The following NRG2 variants were observed in gnomAD, a reference collection of about 807,000 sequenced individuals.
NRG2 encodes pro-neuregulin-2, membrane-bound isoform.
Under a neutral mutation model 73.9 loss-of-function variants are expected in NRG2, and 27 were observed. The observed-to-expected ratio is 0.37, with a 90% CI of 0.27 to 0.50. NRG2 has a LOEUF of 0.50. Ranked by LOEUF, NRG2 falls within the 20% of genes least tolerant of loss-of-function variation. The pLI is 0.96. For synonymous variants in NRG2, 532 were observed against 541.0 expected, an observed-to-expected ratio of 0.98 and a Z score of 0.23; for missense variants, 1,126 against 1,210.1, an observed-to-expected ratio of 0.93 and a Z score of 1.03.
chr5:139,990,038 T>A (rs2126590086), intron 1 of NRG2, among the ~76,000 whole-genome samples: 1 of 151,660 alleles, frequency 6.6e-6, no homozygotes, highest in Non-Finnish European at 1.5e-5. Context: ...TCCGCCCACC[T>A]CGGCCTCCCA....
At chr5:139,855,807 G>A (rs1165741378) in intron 5 of NRG2, 29 bp from the exon 6 acceptor site, 3 of 1,557,410 alleles carry the variant, frequency 1.9e-6, no homozygotes, top group African/African-American at 1.4e-5. Context: ...TGTGAGGGGT[G>A]GGGCAGGAGG....
intron 4 of NRG2, among the ~76,000 whole-genome samples, chr5:139,866,750 G>A (rs753834392): frequency 6.6e-6 from 1 of 152,158 alleles, no homozygotes; most frequent in Non-Finnish European, 1.5e-5. Flanking sequence ...CAATCTCCCT[G>A]ACCTTGTCTC....
At chr5:140,033,905 G>A (rs1761323851) in intron 1 of NRG2, among the ~76,000 whole-genome samples, 1 of 151,624 alleles carries the variant, frequency 6.6e-6, no homozygotes, top group Non-Finnish European at 1.5e-5. Context: ...AGGAAACTAA[G>A]ATGCAGAAAG....
chr5:139,973,957 G>GT (rs1756182580), intron 1 of NRG2, among the ~76,000 whole-genome samples: 1 of 152,126 alleles, frequency 6.6e-6, no homozygotes, highest in Non-Finnish European at 1.5e-5. Flanking sequence ...CTTTAGTTTT[G>GT]TTGCTGGGTA....
chr5:139,955,265 G>A (rs1754530934), intron 1 of NRG2, among the ~76,000 whole-genome samples: 1 of 152,142 alleles, frequency 6.6e-6, no homozygotes, highest in African/African-American at 2.4e-5. Context: ...CTCAGAGGAG[G>A]TGACGGACAA....
intron 1 of NRG2, among the ~76,000 whole-genome samples, chr5:139,939,248 C>CCTTCCTTCT (rs1561694694): frequency 1.1e-3 from 153 of 137,750 alleles, no homozygotes; most frequent in African/African-American, 4.5e-3. Context: ...TCCTTCCTTT[C>CCTTCCTTCT]TTTCTTTCTT....
intron 4 of NRG2, among the ~76,000 whole-genome samples, chr5:139,867,780 G>A (rs866418759): frequency 0.017 from 2,334 of 138,986 alleles, 65 homozygotes; most frequent in African/African-American, 0.068. Flanking sequence ...GTGTGTGTGT[G>A]TGTGTGTGTG....
intron 1 of NRG2, among the ~76,000 whole-genome samples, chr5:140,030,120 C>T (rs1461471620): frequency 6.6e-6 from 1 of 152,178 alleles, no homozygotes; most frequent in Non-Finnish European, 1.5e-5. Context: ...CTATTGATCG[C>T]CCTTTTCTCC....
chr5:139,936,960 C>A (rs886773170), intron 1 of NRG2, among the ~76,000 whole-genome samples: 2 of 152,294 alleles, frequency 1.3e-5, no homozygotes, highest in Admixed American at 6.5e-5. Flanking sequence ...CACCACCACA[C>A]CCGGCTAATT....
Position 139,847,886 on chromosome 5 carries a change from C to G in NRG2, c.*31G>C. The G allele has an allele frequency of 4.4e-6, 5 of 1,126,850 alleles. No homozygotes were observed. Among genetic ancestry groups the G allele is most frequent in the Non-Finnish European group, 2.3e-6 (2 of 866,998 alleles). The allele number at this position is 1,126,850 out of a possible 1,614,324, so 69.8% of individuals were successfully genotyped here. On this transcript the variant is annotated 3_prime_UTR_variant, in exon 10 of 10. Coordinates refer to ENST00000361474, the MANE Select transcript of NRG2 (RefSeq NM_004883.3). ...TCTGGTCTCCTTAAAGATAGTGGGGCGGGCGGGGCGGAGGGGCGCGCGGCG... is the reference window on the plus strand; with the variant it reads ...TCTGGTCTCCTTAAAGATAGTGGGGGGGGCGGGGCGGAGGGGCGCGCGGCG...
At position 139,954,629 on chromosome 5, in the gene NRG2, G is replaced by C. The variant is rs1754478446; in HGVS notation, c.701-67118C>G. On this transcript the variant is annotated intron_variant, in intron 1 of 9. Coordinates refer to ENST00000361474, the MANE Select transcript of NRG2 (RefSeq NM_004883.3). The surrounding 1 kb of genome is among the most constrained non-coding windows in gnomAD (Gnocchi z 5.0). The stretch of plus-strand genomic sequence containing the variant: ...AATCCTCACTCCCATGGCTCTCCAG[G>C]CCAAGCCCTCCACCCCAGCGACTCT... 6.6e-6 allele frequency among the ~76,000 whole-genome samples: 1 copy of C among 152,192 alleles called. No individual in the cohort carries two copies. The highest frequency in any genetic ancestry group is 2.4e-5 in the African/African-American group (1 of 41,456).
Position 139,894,426 on chromosome 5 carries a change from TAA to T in NRG2, c.701-6917_701-6916del, listed in dbSNP as rs1764429463. On this transcript the variant is annotated intron_variant, in intron 1 of 9. Coordinates refer to ENST00000361474, the MANE Select transcript of NRG2 (RefSeq NM_004883.3). The surrounding 1 kb of genome is among the most constrained non-coding windows in gnomAD (Gnocchi z 5.0). Reference sequence around the variant, plus strand: ...AAAGTGACTGCAACCTATTGGAGGTTAATTACAGACTCCAAGTTCAAATGAGA... The same window carrying T: ...AAAGTGACTGCAACCTATTGGAGGTTTTACAGACTCCAAGTTCAAATGAGA... 6.6e-6 allele frequency among the ~76,000 whole-genome samples: 1 copy of T among 150,796 alleles called. No homozygotes were observed. The highest frequency in any genetic ancestry group is 2.4e-5 in the African/African-American group (1 of 40,922).
chr5:139,898,376 T>C (rs977955984), intron 1 of NRG2, among the ~76,000 whole-genome samples: 2 of 152,240 alleles, frequency 1.3e-5, no homozygotes, highest in African/African-American at 4.8e-5. Flanking sequence ...GCCCTCATTC[T>C]TGCCCTATAG....
In NRG2 at chr5:139,904,722, G is replaced by T. The variant is rs1415470954; in HGVS notation, c.701-17211C>A. ...GAAGAGGGGGCTTGAGCTGGGCTGG[G>T]GGCCTGAGCATGATTGGGGAGGGCG... On this transcript the variant is annotated intron_variant, in intron 1 of 9. Transcript: ENST00000361474. The surrounding 1 kb of genome is among the most constrained non-coding windows in gnomAD (Gnocchi z 6.0). Among the ~76,000 whole-genome samples, 1 of 152,180 alleles carries T rather than the reference G, an allele frequency of 6.6e-6. No individual in the cohort carries two copies. Among genetic ancestry groups the T allele is most frequent in the Admixed American group, 6.5e-5 (1 of 15,290 alleles).
intron 1 of NRG2, among the ~76,000 whole-genome samples, chr5:139,977,625 T>C (rs1215111640): frequency 2.0e-5 from 3 of 152,196 alleles, no homozygotes; most frequent in African/African-American, 7.2e-5. Flanking sequence ...AAAAAGAGCC[T>C]GCATTGCCAA....
At chr5:139,968,816 A>C (rs1023658010) in intron 1 of NRG2, among the ~76,000 whole-genome samples, 1 of 152,226 alleles carries the variant, frequency 6.6e-6, no homozygotes, top group Non-Finnish European at 1.5e-5. Context: ...GCTGGTCCTC[A>C]CTGGGGAAGG....
At position 139,847,963 on chromosome 5, in the gene NRG2, CTG is replaced by C; in HGVS notation, c.2505_2506del (p.His835GlnfsTer60). On this transcript the variant is annotated frameshift_variant, in exon 10 of 10. Transcript: ENST00000361474. LOFTEE classifies it high-confidence loss of function. ...CTTGGCCCGCGGGGGCGGCCCGCGG[CTG>C]TGTCTGCTGCTGGCCCGCGTGCTGT... 1.3e-6 allele frequency: 2 copies of C among 1,510,670 alleles called. No individual in the cohort carries two copies. Among genetic ancestry groups the C allele is most frequent in the Non-Finnish European group, 1.8e-6 (2 of 1,134,406 alleles). The allele number at this position is 1,510,670 out of a possible 1,614,324, so 93.6% of individuals were successfully genotyped here. A position where few individuals can be genotyped will look rare whatever the true frequency, so the allele number is the denominator to read the frequency against.
chr5:140,010,458 A>C (rs1190205242), intron 1 of NRG2, among the ~76,000 whole-genome samples: 1 of 152,204 alleles, frequency 6.6e-6, no homozygotes, highest in Non-Finnish European at 1.5e-5. Context: ...AACAACAGTA[A>C]TTGTAACTTA....
chr5:139,960,298 T>G (rs1380024838), intron 1 of NRG2, among the ~76,000 whole-genome samples: 3 of 152,188 alleles, frequency 2.0e-5, no homozygotes, highest in Non-Finnish European at 2.9e-5. Flanking sequence ...GCAGGTCACC[T>G]GAGGTCGGGA....
Sources: gnomAD v4.1 joint callset for allele counts (sites outside exome capture counted in the v4.1 genomes callset) on GRCh38, gnomAD v4.1.1 for gene constraint, Gnocchi (gnomAD v3.1) non-coding constraint, MANE v1.5 for transcripts, NCBI Gene and HGNC (gene_info 2026-07-23, HGNC 2026-07-21) for gene names.